CTIF: variants seen among roughly 807,000 people sequenced by gnomAD.
CTIF encodes CBP80/20-dependent translation initiation factor.
CTIF carries 21 observed loss-of-function variants against 66.0 expected under a neutral mutation model. The observed-to-expected ratio is 0.32, with a 90% CI of 0.23 to 0.46. CTIF has a LOEUF of 0.46. Among genes scored for constraint, CTIF ranks in the 20% least tolerant of loss-of-function variants. The pLI is 1.00. For missense variants in CTIF, 739 were observed against 812.7 expected, an observed-to-expected ratio of 0.91 and a Z score of 1.10; for synonymous variants, 345 against 326.4, an observed-to-expected ratio of 1.06 and a Z score of -0.62.
intron 9 of CTIF, among the ~76,000 whole-genome samples, chr18:48,782,687 A>T (rs1568214942): frequency 6.6e-6 from 1 of 152,176 alleles, no homozygotes. Flanking sequence ...CTGCAGGCGG[A>T]CAGGTCCTGG....
At chr18:48,598,738 T>C (rs553222184) in intron 1 of CTIF, among the ~76,000 whole-genome samples, 2 of 152,270 alleles carry the variant, frequency 1.3e-5, no homozygotes, top group South Asian at 2.1e-4. Flanking sequence ...ATGAGCATGA[T>C]AGCACCAATA....
intron 10 of CTIF, among the ~76,000 whole-genome samples, chr18:48,818,220 C>T (rs1453486830): frequency 6.6e-6 from 1 of 152,136 alleles, no homozygotes; most frequent in Non-Finnish European, 1.5e-5. Context: ...AGCTGGAAGC[C>T]GAGTGGGGCT....
At chr18:48,539,728 A>C (rs2088560366) in intron 1 of CTIF, 1 of 152,640 alleles carries the variant, frequency 6.6e-6, no homozygotes, top group Non-Finnish European at 1.5e-5. Context: ...GAAAAGAGCG[A>C]GCGCGATTCC....
At chr18:48,793,138 G>A (rs2146149334) in intron 9 of CTIF, among the ~76,000 whole-genome samples, 1 of 152,266 alleles carries the variant, frequency 6.6e-6, no homozygotes, top group South Asian at 2.1e-4. Context: ...CCAACTGCAG[G>A]AGAGAGGCTT....
At chr18:48,633,490 T>G (rs1206205281) in intron 2 of CTIF, among the ~76,000 whole-genome samples, 1 of 151,958 alleles carries the variant, frequency 6.6e-6, no homozygotes, top group Non-Finnish European at 1.5e-5. Flanking sequence ...TCACCTGAGG[T>G]CAGGAGTTTG....
chr18:48,840,480 A>C (rs1057481427), intron 10 of CTIF, among the ~76,000 whole-genome samples: 1 of 152,210 alleles, frequency 6.6e-6, no homozygotes, highest in Non-Finnish European at 1.5e-5. Context: ...ATTAAAATTT[A>C]TATTCTGCTA....
At chr18:48,752,623 G>A (rs1006449971) in intron 7 of CTIF, among the ~76,000 whole-genome samples, 1 of 152,174 alleles carries the variant, frequency 6.6e-6, no homozygotes, top group Admixed American at 6.5e-5. Context: ...TGCCCCTCAG[G>A]TGGGGACTGG....
rs1598884931 is a variant in CTIF at position 48,694,634 on chromosome 18, T to C, written c.508-16985T>C. Reference sequence around the variant, plus strand: ...CAATTTAAGACAACCCATAAAGACCTTTTTATGTGGTGCAGACTCTTTAAT... The same window carrying C: ...CAATTTAAGACAACCCATAAAGACCCTTTTATGTGGTGCAGACTCTTTAAT... On this transcript the variant is annotated intron_variant, in intron 6 of 11. Coordinates refer to ENST00000256413, the MANE Select transcript of CTIF (RefSeq NM_014772.3). Among the ~76,000 whole-genome samples the C allele has an allele frequency of 2.0e-5, 3 of 152,198 alleles. No homozygotes were observed. The East Asian group carries it at 5.8e-4, about 29-fold the overall frequency.
At chr18:48,559,219 TTG>T (rs1234578989) in intron 1 of CTIF, among the ~76,000 whole-genome samples, 11 of 62,896 alleles carry the variant, frequency 1.7e-4, no homozygotes, top group Admixed American at 1.8e-4. Context: ...AAGTTTGTTG[TTG>T]TTTTTTTTTT....
intron 1 of CTIF, among the ~76,000 whole-genome samples, chr18:48,551,847 GAGTGT>G (rs1307492464): frequency 1.3e-5 from 2 of 151,964 alleles, no homozygotes; most frequent in Admixed American, 6.5e-5. Context: ...ACCCAGGCTG[GAGTGT>G]AGTGGCGCGA....
intron 9 of CTIF, among the ~76,000 whole-genome samples, chr18:48,784,944 C>T (rs1911572412): frequency 6.6e-6 from 1 of 152,262 alleles, no homozygotes. Flanking sequence ...CATTAGACAT[C>T]TTCCCCCTAG....
rs190786205 is a variant in CTIF, at chr18:48,705,008, G to A, written c.508-6611G>A. Reference sequence around the variant, plus strand: ...TAAGTGCATGCTGACCACCTCGGCTGGCAGGCAGTGGTGGAGACAAGAGCC... The same window carrying A: ...TAAGTGCATGCTGACCACCTCGGCTAGCAGGCAGTGGTGGAGACAAGAGCC... On this transcript the variant is annotated intron_variant, in intron 6 of 11. Transcript: ENST00000256413. Among the ~76,000 whole-genome samples, 106 of 152,290 alleles carry A rather than the reference G, an allele frequency of 7.0e-4. 1 individual carries two copies. Among genetic ancestry groups the A allele is most frequent in the African/African-American group, 2.5e-3 (103 of 41,570 alleles).
chr18:48,823,976 CCACACA>C (rs35554666), intron 10 of CTIF, among the ~76,000 whole-genome samples: 4,033 of 124,164 alleles, frequency 0.032, 137 homozygotes, highest in African/African-American at 0.086. Context: ...CCTAAAGACT[CCACACA>C]CACACACACA....
intron 9 of CTIF, 39 bp from the exon 10 acceptor site, chr18:48,817,182 A>G (rs373647426): frequency 1.5e-4 from 244 of 1,597,524 alleles, no homozygotes; most frequent in Non-Finnish European, 2.0e-4. Context: ...GCCCCTCCCC[A>G]GCCCCGGGAG....
chr18:48,734,557 G>A (rs930617052), intron 7 of CTIF, among the ~76,000 whole-genome samples: 1 of 152,294 alleles, frequency 6.6e-6, no homozygotes, highest in South Asian at 2.1e-4. Context: ...CAGAGTGAGT[G>A]AGACTCTGTC....
intron 1 of CTIF, among the ~76,000 whole-genome samples, chr18:48,550,152 G>C (rs1359349988): frequency 2.0e-5 from 3 of 152,188 alleles, no homozygotes; most frequent in African/African-American, 7.2e-5. Context: ...CCCAGGACAT[G>C]GGTTCTGTGG....
chr18:48,840,445 G>A (rs1420287292), intron 10 of CTIF, among the ~76,000 whole-genome samples: 4 of 152,150 alleles, frequency 2.6e-5, no homozygotes, highest in South Asian at 2.1e-4. Flanking sequence ...AGATCATCTC[G>A]ACTTAGAAAA....
At chr18:48,854,489 T>C (rs2069280735) in intron 10 of CTIF, among the ~76,000 whole-genome samples, 1 of 152,154 alleles carries the variant, frequency 6.6e-6, no homozygotes, top group Admixed American at 6.5e-5. Context: ...CCCCATCCAC[T>C]CTAGAGGCAA....
intron 9 of CTIF, among the ~76,000 whole-genome samples, chr18:48,780,906 CCT>C (rs1000563984): frequency 1.3e-5 from 2 of 152,196 alleles, no homozygotes; most frequent in African/African-American, 4.8e-5. Context: ...TCTGTCCCTC[CCT>C]CTCTCCCTGG....
Sources: allele counts gnomAD v4.1 joint callset (sites outside exome capture counted in the v4.1 genomes callset), GRCh38; gene constraint gnomAD v4.1.1; transcripts MANE v1.5; gene names NCBI Gene and HGNC (gene_info 2026-07-23, HGNC 2026-07-21).